Variants in FREM1 observed in about 807,000 individuals in gnomAD.
The protein encoded by FREM1 is FRAS1-related extracellular matrix protein 1.
FREM1 carries 220 observed loss-of-function variants against 210.1 expected under a neutral mutation model. The observed-to-expected ratio is 1.05, with a 90% CI of 0.94 to 1.17. The LOEUF is 1.17. FREM1 is among the 50% of genes most tolerant of loss of function. The pLI, the probability that FREM1 is intolerant of heterozygous loss-of-function variation, is 0.00. For synonymous variants in FREM1, 1,189 were observed against 980.2 expected (o/e 1.21, Z -3.98); for missense variants, 3,454 against 2,675.5 (o/e 1.29, Z -6.42).
chr9:14,811,080 A>C (rs1416006089), intron 16 of FREM1, among the ~76,000 whole-genome samples: 1 of 152,232 alleles, frequency 6.6e-6, no homozygotes, highest in Admixed American at 6.5e-5. Flanking sequence ...ATCTCAGCCC[A>C]GGGCTGGGTA....
At chr9:14,874,201 G>T (rs1002973517) in intron 1 of FREM1, among the ~76,000 whole-genome samples, 2 of 152,150 alleles carry the variant, frequency 1.3e-5, no homozygotes, top group African/African-American at 4.8e-5. Flanking sequence ...GTGCAGAGGT[G>T]AGTTCAATTC....
At chr9:14,825,553 A>G (rs139416857) in intron 10 of FREM1, among the ~76,000 whole-genome samples, 14,514 of 90,188 alleles carry the variant, frequency 0.16, 1,537 homozygotes, top group East Asian at 0.55. Context: ...GTGTGTATAT[A>G]TATATATATA....
At position 14,824,878 on chromosome 9, in the gene FREM1, G is replaced by C. The variant is rs779171183; in HGVS notation, c.1996C>G (p.Leu666Val). 9 of 1,613,384 alleles carry C rather than the reference G, an allele frequency of 5.6e-6. No individual in the cohort carries two copies. The highest frequency in any genetic ancestry group is 7.6e-6 in the Non-Finnish European group (9 of 1,179,554). ...TEVAYITKKQ[L>V]HFIDSESYDR... The stretch of plus-strand genomic sequence containing the variant: ...TATGATTCTGAATCTATAAAATGTA[G>C]CTGTTTCTTAGTTATATAGGCCACC... The change falls in exon 11 of 37, where the codon CTA becomes GTA. Residue 666 changes from leucine to valine, a missense_variant. Physicochemically the swap from Leu to Val is conservative, Grantham distance 32. Transcript: ENST00000380880.
chr9:14,800,357 A>C (rs1343556267), intron 20 of FREM1, among the ~76,000 whole-genome samples: 1 of 152,194 alleles, frequency 6.6e-6, no homozygotes, highest in Non-Finnish European at 1.5e-5. Flanking sequence ...GGAGAATGGG[A>C]GGAAGCAGTA....
At chr9:14,886,353 T>G (rs1835801809) in intron 1 of FREM1, among the ~76,000 whole-genome samples, 1 of 112,554 alleles carries the variant, frequency 8.9e-6, no homozygotes, top group Non-Finnish European at 1.6e-5. Context: ...GCCACTGCAC[T>G]CCAGCCTGGT....
In FREM1 at chr9:14,886,763, T is replaced by G. The variant is rs533284942; in HGVS notation, c.-267-17519A>C. ...AAAATTTTAAATTAGGTTGGTGTGC[T>G]GGCACATGCCTGTGGTCCCAGCCAC... On this transcript the variant is annotated intron_variant, in intron 1 of 36. Coordinates refer to ENST00000380880, the MANE Select transcript of FREM1 (RefSeq NM_001379081.2). 1.8e-4 allele frequency among the ~76,000 whole-genome samples: 28 copies of G among 152,196 alleles called. No individual in the cohort carries two copies. The East Asian group carries it at 5.0e-3, about 27-fold the overall frequency.
rs531908191 is a variant in FREM1 at position 14,830,641 on chromosome 9, C to A, written c.1882-5649G>T. The stretch of plus-strand genomic sequence containing the variant: ...TCCTCCTCTTTCGGCTTTGGAGCTC[C>A]CCCCGCTCTGTTTCTGTATGGGGGA... On this transcript the variant is annotated intron_variant, in intron 10 of 36. Coordinates refer to ENST00000380880, the MANE Select transcript of FREM1 (RefSeq NM_001379081.2). Among the ~76,000 whole-genome samples, 776 of 152,298 alleles carry A rather than the reference C, an allele frequency of 5.1e-3. 4 individuals carry two copies. The highest frequency in any genetic ancestry group is 0.018 in the African/African-American group (735 of 41,546).
In FREM1 at chr9:14,762,473, C is replaced by G. The variant is rs78740410; in HGVS notation, c.5205-2572G>C. On this transcript the variant is annotated intron_variant, in intron 27 of 36. Coordinates refer to ENST00000380880, the MANE Select transcript of FREM1 (RefSeq NM_001379081.2). ...TTCTGATCTAAATTCAGAAGGGAAC[C>G]ATTCAGAGGGCTGTTCAGCTTCAAG... 1.0e-3 allele frequency among the ~76,000 whole-genome samples: 154 copies of G among 152,248 alleles called. 3 individuals are homozygous for G. In the East Asian group the frequency reaches 0.027, roughly 26 times the overall value.
intron 29 of FREM1, among the ~76,000 whole-genome samples, chr9:14,753,948 A>G (rs1227309738): frequency 1.3e-5 from 2 of 152,218 alleles, no homozygotes; most frequent in African/African-American, 4.8e-5. Flanking sequence ...TACAGCCCCC[A>G]GAAGTCATTA....
chr9:14,793,153 T>A (rs182957807), intron 21 of FREM1, among the ~76,000 whole-genome samples: 1 of 152,332 alleles, frequency 6.6e-6, no homozygotes, highest in Admixed American at 6.5e-5. Context: ...AACTTTACAA[T>A]TTTGTAAGTT....
chr9:14,743,928 C>T (rs750341610), intron 35 of FREM1, among the ~76,000 whole-genome samples: 9 of 152,048 alleles, frequency 5.9e-5, no homozygotes, highest in Non-Finnish European at 1.3e-4. Context: ...CAGTGCATTA[C>T]GACAAACTAA....
chr9:14,779,738 C>T (rs774174752), intron 24 of FREM1, among the ~76,000 whole-genome samples: 5 of 152,284 alleles, frequency 3.3e-5, no homozygotes, highest in South Asian at 2.1e-4. Context: ...TGAGGGCACG[C>T]GGGCCACAGA....
chr9:14,786,050 T>C (rs1850378200), intron 23 of FREM1, among the ~76,000 whole-genome samples: 1 of 152,174 alleles, frequency 6.6e-6, no homozygotes, highest in Non-Finnish European at 1.5e-5. Context: ...CATTACCAAG[T>C]GATCATATCT....
At position 14,806,788 on chromosome 9, in the gene FREM1, G is replaced by T. The variant is rs200894045; in HGVS notation, c.3147C>A (p.Ser1049=). The T allele has an allele frequency of 8.1e-6, 13 of 1,607,036 alleles. No homozygotes were observed. The highest frequency in any genetic ancestry group is 9.3e-6 in the Non-Finnish European group (11 of 1,176,564). The change falls in exon 18 of 37, where the codon TCC becomes TCA. Residue 1049 remains serine (S), a synonymous_variant. Coordinates refer to ENST00000380880, the MANE Select transcript of FREM1 (RefSeq NM_001379081.2). ...CTGCTGCAGTGTCAGGGTCAGTGGCGGACAAATGGTTAACAGTAAGGGCTG... is the reference window on the plus strand; with the variant it reads ...CTGCTGCAGTGTCAGGGTCAGTGGCTGACAAATGGTTAACAGTAAGGGCTG... ...CSTALTVNHL[S]ATDPDTAADD...
intron 1 of FREM1, among the ~76,000 whole-genome samples, chr9:14,873,309 T>C (rs1345620173): frequency 6.6e-6 from 1 of 152,162 alleles, no homozygotes; most frequent in African/African-American, 2.4e-5. Context: ...TGGACTCTTT[T>C]TGGTTGGTAA....
chr9:14,756,298 C>T (rs978240727), intron 29 of FREM1, 76 bp downstream of exon 29: 3 of 1,065,572 alleles, frequency 2.8e-6, no homozygotes, highest in Non-Finnish European at 4.1e-6. Flanking sequence ...TCTATCTTCT[C>T]TACAATCTCC....
chr9:14,738,211 C>G (rs1029133125), intron 36 of FREM1, among the ~76,000 whole-genome samples: 57 of 152,206 alleles, frequency 3.7e-4, no homozygotes, highest in African/African-American at 1.3e-3. Flanking sequence ...TGTTGTAAAG[C>G]TTCTGTAATA....
At chr9:14,860,251 G>A (rs1357920118) in intron 3 of FREM1, among the ~76,000 whole-genome samples, 1 of 151,960 alleles carries the variant, frequency 6.6e-6, no homozygotes, top group Non-Finnish European at 1.5e-5. Context: ...AGGCATAACG[G>A]GCTCAGGTAG....
intron 15 of FREM1, 124 bp downstream of exon 15, chr9:14,816,654 C>A: frequency 2.2e-6 from 1 of 456,648 alleles, no homozygotes; most frequent in Non-Finnish European, 3.6e-6. Context: ...TTAGACTTCC[C>A]AGCCTCCAGA....
Sources: allele counts gnomAD v4.1 joint callset (sites outside exome capture counted in the v4.1 genomes callset), GRCh38; gene constraint gnomAD v4.1.1; transcripts MANE v1.5; gene names NCBI Gene and HGNC (gene_info 2026-07-23, HGNC 2026-07-21).